PRKAG2: variants seen among roughly 807,000 people sequenced by gnomAD.
The protein encoded by PRKAG2 is 5'-AMP-activated protein kinase subunit gamma-2.
Under a neutral mutation model 69.6 loss-of-function variants are expected in PRKAG2, and 26 were observed. The ratio of observed to expected loss-of-function variants is 0.37; its 90% CI spans 0.27 to 0.52. The LOEUF (loss-of-function observed/expected upper bound fraction) is 0.52. Among genes scored for constraint, PRKAG2 ranks in the 20% least tolerant of loss-of-function variants. The pLI is 0.90. For missense variants in PRKAG2, 557 were observed against 740.0 expected (o/e 0.75, Z 2.87); for synonymous variants, 293 against 285.0 (o/e 1.03, Z -0.28).
intron 3 of PRKAG2, among the ~76,000 whole-genome samples, chr7:151,768,490 G>C (rs963697758): frequency 5.3e-5 from 8 of 151,804 alleles, no homozygotes; most frequent in African/African-American, 1.7e-4. Flanking sequence ...TCTGGAGATA[G>C]AGTCTCACTC....
chr7:151,639,233 A>G (rs1255224221), intron 4 of PRKAG2, among the ~76,000 whole-genome samples: 1 of 152,174 alleles, frequency 6.6e-6, no homozygotes, highest in Non-Finnish European at 1.5e-5. Context: ...GAGACAACCC[A>G]CTTGTCTCCA....
At chr7:151,844,480 G>A (rs983378301) in intron 1 of PRKAG2, among the ~76,000 whole-genome samples, 9 of 152,202 alleles carry the variant, frequency 5.9e-5, no homozygotes, top group Non-Finnish European at 8.8e-5. Context: ...CTGGGTGAGC[G>A]TGTCCATCGG....
intron 1 of PRKAG2, among the ~76,000 whole-genome samples, chr7:151,829,249 T>C (rs2078969461): frequency 6.6e-6 from 1 of 152,170 alleles, no homozygotes; most frequent in Non-Finnish European, 1.5e-5. Context: ...TCACGAATGA[T>C]CAATAAGTAT....
chr7:151,820,011 C>A (rs2078731308), intron 1 of PRKAG2, among the ~76,000 whole-genome samples: 1 of 152,196 alleles, frequency 6.6e-6, no homozygotes. Context: ...AAGGCTAAGA[C>A]CAGGTGTTCC....
chr7:151,848,922 T>A (rs997058260), intron 1 of PRKAG2, among the ~76,000 whole-genome samples: 2 of 152,180 alleles, frequency 1.3e-5, no homozygotes, highest in African/African-American at 2.4e-5. Context: ...GCAGACATCA[T>A]CTCATTTGAT....
intron 4 of PRKAG2, among the ~76,000 whole-genome samples, chr7:151,652,280 T>C (rs1828659856): frequency 2.6e-5 from 4 of 152,200 alleles, no homozygotes; most frequent in Admixed American, 6.5e-5. Flanking sequence ...TGTCTGAGGC[T>C]CGATTTTCTT....
intron 1 of PRKAG2, among the ~76,000 whole-genome samples, chr7:151,855,299 A>G (rs573080516): frequency 5.4e-3 from 43 of 8,014 alleles, no homozygotes; most frequent in African/African-American, 0.01. Context: ...TCCACACACC[A>G]CCCTCCACAC....
Position 151,725,656 on chromosome 7 carries a change from C to T in PRKAG2, c.467-50019G>A, listed in dbSNP as rs1171129803. 2.0e-5 allele frequency among the ~76,000 whole-genome samples: 3 copies of T among 151,774 alleles called. No individual in the cohort carries two copies. The South Asian group carries it at 6.3e-4, about 32-fold the overall frequency. ...ACCAAATAAAACCTAGGCAAAAATA[C>T]AATTATTTATAATTTGTATTCAATT... On this transcript the variant is annotated intron_variant, in intron 3 of 15. Transcript: ENST00000287878.
intron 5 of PRKAG2, among the ~76,000 whole-genome samples, chr7:151,600,189 C>T (rs925905372): frequency 1.3e-5 from 2 of 152,218 alleles, no homozygotes; most frequent in African/African-American, 4.8e-5. Flanking sequence ...GAAATCCTTC[C>T]CTATTTTCAT....
intron 3 of PRKAG2, among the ~76,000 whole-genome samples, chr7:151,772,840 A>C (rs1246952241): frequency 1.3e-5 from 2 of 151,590 alleles, no homozygotes; most frequent in African/African-American, 2.4e-5. Flanking sequence ...TAAAAAATTA[A>C]CCAGGCATGG....
intron 4 of PRKAG2, among the ~76,000 whole-genome samples, chr7:151,650,159 G>C (rs1037892591): frequency 6.6e-6 from 1 of 152,138 alleles, no homozygotes; most frequent in Admixed American, 6.5e-5. Flanking sequence ...AGGCTGCAGT[G>C]AGCTGTGATC....
At chr7:151,606,751 T>C (rs888133911) in intron 5 of PRKAG2, among the ~76,000 whole-genome samples, 2 of 151,670 alleles carry the variant, frequency 1.3e-5, no homozygotes, top group African/African-American at 4.8e-5. Flanking sequence ...ACCCGGGAGG[T>C]GGAGGCTGCA....
chr7:151,844,876 T>A (rs1382851955), intron 1 of PRKAG2, among the ~76,000 whole-genome samples: 1 of 151,486 alleles, frequency 6.6e-6, no homozygotes, highest in South Asian at 2.1e-4. Context: ...CATACATATA[T>A]TCCCTCTTGG....
At chr7:151,787,388 T>C (rs2077064781) in intron 1 of PRKAG2, among the ~76,000 whole-genome samples, 1 of 151,142 alleles carries the variant, frequency 6.6e-6, no homozygotes, top group African/African-American at 2.4e-5. Flanking sequence ...CTCCCCCTAG[T>C]GCTTGGCAAC....
chr7:151,642,504 G>A (rs968243085), intron 4 of PRKAG2, among the ~76,000 whole-genome samples: 14 of 152,076 alleles, frequency 9.2e-5, no homozygotes, highest in Admixed American at 5.9e-4. Flanking sequence ...CCTCCAACCC[G>A]GGCAACAAAC....
intron 8 of PRKAG2, among the ~76,000 whole-genome samples, chr7:151,574,317 T>C (rs1724947753): frequency 6.6e-6 from 1 of 152,066 alleles, no homozygotes; most frequent in Non-Finnish European, 1.5e-5. Flanking sequence ...CAAAGTTAGA[T>C]GAAGGACAAA....
At chr7:151,702,562 C>G (rs1837903131) in intron 3 of PRKAG2, among the ~76,000 whole-genome samples, 1 of 152,266 alleles carries the variant, frequency 6.6e-6, no homozygotes, top group Non-Finnish European at 1.5e-5. Context: ...CCCATCAGGG[C>G]ACTGCCAGGT....
In PRKAG2 at chr7:151,632,061, G is replaced by A. The variant is rs1370774803; in HGVS notation, c.754+8C>T. The A allele has an allele frequency of 2.9e-6, 4 of 1,386,196 alleles. No individual in the cohort carries two copies. Among genetic ancestry groups the A allele is most frequent in the Non-Finnish European group, 3.8e-6 (4 of 1,055,950 alleles). 85.9% of individuals were successfully genotyped at this position (1,386,196 alleles called of 1,614,324 possible). Reference sequence around the variant, plus strand: ...GCGCCGGGCCGGCAGCGGGCGGGGCGCACTCACCTTCGTCCTCGAACTCCA... The same window carrying A: ...GCGCCGGGCCGGCAGCGGGCGGGGCACACTCACCTTCGTCCTCGAACTCCA... On this transcript the variant is annotated splice_region_variant and intron_variant, in intron 5 of 15. Transcript: ENST00000287878. This position sits in a 1 kb window ranked among gnomAD's most constrained non-coding sequence, Gnocchi z 4.2.
intron 1 of PRKAG2, among the ~76,000 whole-genome samples, chr7:151,823,587 C>T (rs1055054681): frequency 6.6e-6 from 1 of 151,942 alleles, no homozygotes; most frequent in African/African-American, 2.4e-5. Context: ...TCCTGGCCTA[C>T]TGGGCCATCT....
Sources: allele counts gnomAD v4.1 joint callset (sites outside exome capture counted in the v4.1 genomes callset), GRCh38; gene constraint gnomAD v4.1.1; non-coding constraint Gnocchi (gnomAD v3.1); transcripts MANE v1.5; gene names NCBI Gene and HGNC (gene_info 2026-07-23, HGNC 2026-07-21).